The following FSCN1 variants were observed in gnomAD, a reference collection of about 807,000 sequenced individuals.
FSCN1 encodes the protein fascin.
A neutral mutation model predicts 39.7 loss-of-function variants in FSCN1; 10 were observed. That is an observed-to-expected ratio of 0.25 (90% confidence interval 0.16 to 0.43). FSCN1 has a LOEUF of 0.43. Among genes scored for constraint, FSCN1 ranks in the 20% least tolerant of loss-of-function variants. The probability of loss-of-function intolerance (pLI) is 1.00; values close to 1 mark genes in which losing one functional copy is unlikely to be tolerated. For synonymous variants in FSCN1, 322 were observed against 320.0 expected, an observed-to-expected ratio of 1.01 and a Z score of -0.07; for missense variants, 525 against 723.8, an observed-to-expected ratio of 0.73 and a Z score of 3.15.
intron 1 of FSCN1, among the ~76,000 whole-genome samples, chr7:5,600,458 C>T (rs572782001): frequency 1.7e-4 from 26 of 152,172 alleles, no homozygotes; most frequent in Admixed American, 1.5e-3. Flanking sequence ...GGGAGCAAAA[C>T]CCGAAAGCCA....
chr7:5,600,083 C>G (rs1785798380), intron 1 of FSCN1, among the ~76,000 whole-genome samples: 1 of 152,086 alleles, frequency 6.6e-6, no homozygotes, highest in Admixed American at 6.6e-5. Flanking sequence ...CTGGAGGAAT[C>G]CATGTGGATA....
rs1785911204 is a variant in FSCN1 at position 5,605,139 on chromosome 7, C to T, written c.1280-133C>T. ...CAGGAGGACGTGCGGGCCATAGGGA[C>T]CCTGGCTCATTCCGGAGCCGGGACT... On this transcript the variant is annotated intron_variant, in intron 4 of 4. Coordinates refer to ENST00000382361, the MANE Select transcript of FSCN1 (RefSeq NM_003088.4). The surrounding 1 kb of genome is among the most constrained non-coding windows in gnomAD (Gnocchi z 6.9). 1.5e-6 allele frequency: 1 copy of T among 670,864 alleles called. No individual in the cohort carries two copies. The highest frequency in any genetic ancestry group is 2.7e-6 in the Non-Finnish European group (1 of 374,200). 41.6% of individuals were successfully genotyped at this position (670,864 alleles called of 1,614,324 possible).
chr7:5,596,679 C>A (rs1785736182), intron 1 of FSCN1, among the ~76,000 whole-genome samples: 1 of 152,230 alleles, frequency 6.6e-6, no homozygotes, highest in Admixed American at 6.5e-5. Context: ...CCTGTCCTCC[C>A]TGCTGGCTTG....
chr7:5,600,739 C>T (rs985974520), intron 1 of FSCN1, among the ~76,000 whole-genome samples: 1 of 151,544 alleles, frequency 6.6e-6, no homozygotes, highest in Non-Finnish European at 1.5e-5. Context: ...CTGCAAGCTC[C>T]ACCTCCCGGG....
intron 1 of FSCN1, among the ~76,000 whole-genome samples, chr7:5,598,306 G>A (rs1785766982): frequency 6.6e-6 from 1 of 152,224 alleles, no homozygotes; most frequent in African/African-American, 2.4e-5. Flanking sequence ...ACAGGCTGAT[G>A]GGGACTGAGT....
chr7:5,596,601 C>T (rs927269461), intron 1 of FSCN1, among the ~76,000 whole-genome samples: 2 of 152,180 alleles, frequency 1.3e-5, no homozygotes, highest in African/African-American at 4.8e-5. Flanking sequence ...TCTCTCACAT[C>T]TCTCACATCT....
intron 4 of FSCN1, among the ~76,000 whole-genome samples, chr7:5,604,365 G>T (rs948693140): frequency 1.3e-5 from 2 of 151,964 alleles, no homozygotes; most frequent in Non-Finnish European, 2.9e-5. Flanking sequence ...GGGTGGGGAG[G>T]TTCTGGAAAG....
Position 5,599,151 on chromosome 7 carries a change from C to T in FSCN1, c.833-4106C>T, listed in dbSNP as rs1267723350. Among the ~76,000 whole-genome samples, 2 of 152,148 alleles carry T rather than the reference C, an allele frequency of 1.3e-5. No homozygotes were observed. Among genetic ancestry groups the T allele is most frequent in the Non-Finnish European group, 2.9e-5 (2 of 68,010 alleles). ...GGACCCAGCCCCTGCTCACCTTATC[C>T]TCCTCCCGTGCTTGGCTGGGGTGTG... On this transcript the variant is annotated intron_variant, in intron 1 of 4. Coordinates refer to ENST00000382361, the MANE Select transcript of FSCN1 (RefSeq NM_003088.4). The surrounding 1 kb of genome is among the most constrained non-coding windows in gnomAD (Gnocchi z 5.6).
rs748836930 is a variant in FSCN1 at position 5,603,424 on chromosome 7, C to T, written c.989+11C>T. The stretch of plus-strand genomic sequence containing the variant: ...CACCGCCTCCAGCAAGTGAGTGCCT[C>T]GCTCCCACCTGTCACCGCCCCCACC... On this transcript the variant is annotated intron_variant, in intron 2 of 4. Coordinates refer to ENST00000382361, the MANE Select transcript of FSCN1 (RefSeq NM_003088.4). The surrounding 1 kb of genome is among the most constrained non-coding windows in gnomAD (Gnocchi z 8.5). The T allele has an allele frequency of 1.1e-5, 18 of 1,613,616 alleles. No homozygotes were observed. Among genetic ancestry groups the T allele is most frequent in the Middle Eastern group, 1.6e-4 (1 of 6,084 alleles).
chr7:5,598,234 C>T (rs1235848514), intron 1 of FSCN1, among the ~76,000 whole-genome samples: 1 of 152,218 alleles, frequency 6.6e-6, no homozygotes, highest in Admixed American at 6.5e-5. Flanking sequence ...TGGCCCCCCG[C>T]GGTGGGTGCC....
rs1216940683 is a variant in FSCN1, at chr7:5,592,889, G to A, written c.-48G>A. 6 of 1,238,334 alleles carry A rather than the reference G, an allele frequency of 4.8e-6. No homozygotes were observed. The East Asian group carries it at 8.0e-5, about 17-fold the overall frequency. The allele number at this position is 1,238,334 out of a possible 1,614,324, so 76.7% of individuals were successfully genotyped here. On this transcript the variant is annotated 5_prime_UTR_variant, in exon 1 of 5. Coordinates refer to ENST00000382361, the MANE Select transcript of FSCN1 (RefSeq NM_003088.4). The surrounding 1 kb of genome is among the most constrained non-coding windows in gnomAD (Gnocchi z 5.3). ...AGCAGGGGCGCCGCCGCAGGGACCC[G>A]CCACCCACCTCCCGGGGCCGCGCAG...
At chr7:5,594,091 C>T (rs536310928) in intron 1 of FSCN1, 16 of 354,968 alleles carry the variant, frequency 4.5e-5, no homozygotes, top group African/African-American at 2.8e-4. Context: ...GCGCTGATCC[C>T]TCGGATCAGC....
intron 1 of FSCN1, among the ~76,000 whole-genome samples, chr7:5,600,383 C>T (rs895553062): frequency 5.9e-5 from 9 of 152,014 alleles, no homozygotes; most frequent in Admixed American, 2.6e-4. Flanking sequence ...CATTGCACTC[C>T]AGCCCGGGAG....
rs1191368691 is a variant in FSCN1 at position 5,603,195 on chromosome 7, A to C, written c.833-62A>C. ...TGTGTAGTTCTGTGAGCTCAGGGCT[A>C]TGGTCTGCCAGAACTAGGGGGCGTG... On this transcript the variant is annotated intron_variant, in intron 1 of 4. Transcript: ENST00000382361. The surrounding 1 kb of genome is among the most constrained non-coding windows in gnomAD (Gnocchi z 8.5). 6.3e-7 allele frequency: 1 copy of C among 1,580,460 alleles called. No homozygotes were observed. The highest frequency in any genetic ancestry group is 8.6e-7 in the Non-Finnish European group (1 of 1,157,614).
At position 5,592,824 on chromosome 7, in the gene FSCN1, C is replaced by A; in HGVS notation, c.-113C>A. ...GCCGCTAGCTGGGCTTTGTGGAGCGCTGCGGAGGGTGCGTGCGGGCCGCGG... is the reference window on the plus strand; with the variant it reads ...GCCGCTAGCTGGGCTTTGTGGAGCGATGCGGAGGGTGCGTGCGGGCCGCGG... On this transcript the variant is annotated 5_prime_UTR_variant, in exon 1 of 5. It adds an upstream start codon to the 5' untranslated region. Coordinates refer to ENST00000382361, the MANE Select transcript of FSCN1 (RefSeq NM_003088.4). This position sits in a 1 kb window ranked among gnomAD's most constrained non-coding sequence, Gnocchi z 5.3. The A allele has an allele frequency of 1.6e-6, 1 of 633,470 alleles. No individual in the cohort carries two copies. The highest frequency in any genetic ancestry group is 3.3e-5 in the Admixed American group (1 of 30,496). The allele number at this position is 633,470 out of a possible 1,614,324, so 39.2% of individuals were successfully genotyped here.
At chr7:5,593,857 C>A in intron 1 of FSCN1, 89 bp downstream of exon 1, 2 of 922,996 alleles carry the variant, frequency 2.2e-6, no homozygotes, top group East Asian at 5.8e-5. Flanking sequence ...CTTTCTCGCT[C>A]GCGGCGCCGC....
Position 5,593,506 on chromosome 7 carries a change from C to A in FSCN1, c.570C>A (p.Thr190=), listed in dbSNP as rs1400625611. The A allele has an allele frequency of 2.5e-6, 4 of 1,606,756 alleles. No homozygotes were observed. Among genetic ancestry groups the A allele is most frequent in the Non-Finnish European group, 3.4e-6 (4 of 1,178,488 alleles). ...AFQDQRYSVQ[T]ADHRFLRHDG... is the part of the protein sequence containing the mutation. Reference sequence around the variant, plus strand: ...AGGACCAGCGCTACAGCGTGCAGACCGCCGACCACCGCTTCCTGCGCCACG... The same window carrying A: ...AGGACCAGCGCTACAGCGTGCAGACAGCCGACCACCGCTTCCTGCGCCACG... Residue 190 remains threonine (T), a synonymous_variant, in exon 1 of 5, where the codon ACC becomes ACA. Transcript: ENST00000382361.
Position 5,605,728 on chromosome 7 carries a change from C to A in FSCN1, c.*254C>A, listed in dbSNP as rs983279273. The A allele has an allele frequency of 1.0e-5, 5 of 488,720 alleles. No homozygotes were observed. The highest frequency in any genetic ancestry group is 1.8e-5 in the Non-Finnish European group (5 of 274,508). The allele number at this position is 488,720 out of a possible 1,614,324, so 30.3% of individuals were successfully genotyped here. On this transcript the variant is annotated 3_prime_UTR_variant, in exon 5 of 5. Transcript: ENST00000382361. The surrounding 1 kb of genome is among the most constrained non-coding windows in gnomAD (Gnocchi z 6.9). Reference sequence around the variant, plus strand: ...TGGGAGGGATTTCAGATGCCCCTGCCCTCTTGTCTGCCACGGGGCGAGTCT... The same window carrying A: ...TGGGAGGGATTTCAGATGCCCCTGCACTCTTGTCTGCCACGGGGCGAGTCT...
Position 5,599,954 on chromosome 7 carries a change from G to C in FSCN1, c.833-3303G>C, listed in dbSNP as rs1785796641. Among the ~76,000 whole-genome samples, 1 of 152,220 alleles carries C rather than the reference G, an allele frequency of 6.6e-6. No individual in the cohort carries two copies. Among genetic ancestry groups the C allele is most frequent in the Non-Finnish European group, 1.5e-5 (1 of 68,044 alleles). On this transcript the variant is annotated intron_variant, in intron 1 of 4. Coordinates refer to ENST00000382361, the MANE Select transcript of FSCN1 (RefSeq NM_003088.4). The surrounding 1 kb of genome is among the most constrained non-coding windows in gnomAD (Gnocchi z 5.6). The stretch of plus-strand genomic sequence containing the variant: ...AAACGAAGACACTCTCCAGCTCTGA[G>C]CCAGGCACCCATACAGAGCCCGGCA...
Sources: allele counts gnomAD v4.1 joint callset (sites outside exome capture counted in the v4.1 genomes callset), GRCh38; gene constraint gnomAD v4.1.1; non-coding constraint Gnocchi (gnomAD v3.1); transcripts MANE v1.5; gene names NCBI Gene and HGNC (gene_info 2026-07-23, HGNC 2026-07-21).